The following CTDSPL variants were observed in gnomAD, a reference collection of about 807,000 sequenced individuals.
CTDSPL encodes CTD small phosphatase-like protein.
CTDSPL carries 8 observed loss-of-function variants against 30.5 expected under a neutral mutation model. The observed-to-expected ratio is 0.26, with a 90% confidence interval of 0.15 to 0.47. The LOEUF is 0.47. Among genes scored for constraint, CTDSPL ranks in the 20% least tolerant of loss-of-function variants. The pLI, the probability that CTDSPL is intolerant of heterozygous loss-of-function variation, is 0.99. For missense variants in CTDSPL, 248 were observed against 366.1 expected, an observed-to-expected ratio of 0.68 and a Z score of 2.63; for synonymous variants, 110 against 137.9, an observed-to-expected ratio of 0.80 and a Z score of 1.42.
chr3:37,917,125 C>G (rs1190422690), intron 1 of CTDSPL, among the ~76,000 whole-genome samples: 1 of 152,210 alleles, frequency 6.6e-6, no homozygotes, highest in Non-Finnish European at 1.5e-5. Context: ...ACATATTCGT[C>G]TGTTCATTCA....
intron 1 of CTDSPL, among the ~76,000 whole-genome samples, chr3:37,870,020 A>C (rs895529398): frequency 6.6e-6 from 1 of 151,902 alleles, no homozygotes; most frequent in Non-Finnish European, 1.5e-5. Flanking sequence ...ATATTTTGTT[A>C]AGGATTTTTT....
chr3:37,951,169 C>T (rs1699103016), intron 2 of CTDSPL, among the ~76,000 whole-genome samples: 1 of 150,684 alleles, frequency 6.6e-6, no homozygotes, highest in Admixed American at 6.6e-5. Flanking sequence ...AGATCGAGAC[C>T]ATCCTGGCTA....
Position 37,975,801 on chromosome 3 carries a change from C to T in CTDSPL, c.612C>T (p.Tyr204=), listed in dbSNP as rs755410839. The change falls in exon 7 of 8, where the codon TAC becomes TAT. Residue 204 remains tyrosine, a synonymous_variant. Transcript: ENST00000273179. The surrounding 1 kb of genome is among the most constrained non-coding windows in gnomAD (Gnocchi z 4.9). ...RESCVFHRGN[Y]VKDLSRLGRE... Reference sequence around the variant, plus strand: ...CATGTGTTTTTCATCGTGGGAACTACGTGAAGGACCTGAGTCGCCTTGGGC... The same window carrying T: ...CATGTGTTTTTCATCGTGGGAACTATGTGAAGGACCTGAGTCGCCTTGGGC... 6.8e-6 allele frequency: 11 copies of T among 1,613,994 alleles called. No individual in the cohort carries two copies. The highest frequency in any genetic ancestry group is 1.1e-5 in the South Asian group (1 of 91,072).
intron 1 of CTDSPL, among the ~76,000 whole-genome samples, chr3:37,869,456 C>G (rs1417016163): frequency 2.0e-5 from 3 of 152,044 alleles, no homozygotes; most frequent in Non-Finnish European, 4.4e-5. Flanking sequence ...TTTTTGAATA[C>G]TTATCTTGTA....
At chr3:37,956,189 A>G (rs1181493900) in intron 2 of CTDSPL, among the ~76,000 whole-genome samples, 1 of 152,212 alleles carries the variant, frequency 6.6e-6, no homozygotes, top group Non-Finnish European at 1.5e-5. Context: ...AATAGTTCTT[A>G]GTGTCAAAAC....
At chr3:37,904,992 G>A (rs1698497420) in intron 1 of CTDSPL, among the ~76,000 whole-genome samples, 1 of 152,172 alleles carries the variant, frequency 6.6e-6, no homozygotes, top group African/African-American at 2.4e-5. Flanking sequence ...CAGAAGGTGG[G>A]AGAACCTTCC....
intron 1 of CTDSPL, among the ~76,000 whole-genome samples, chr3:37,871,901 T>C (rs375936841): frequency 1.3e-5 from 2 of 152,228 alleles, no homozygotes; most frequent in South Asian, 2.1e-4. Context: ...TAGTCTGTTA[T>C]TGAGCACATC....
intron 1 of CTDSPL, among the ~76,000 whole-genome samples, chr3:37,886,409 C>T (rs1004515765): frequency 6.6e-6 from 1 of 152,182 alleles, no homozygotes; most frequent in Non-Finnish European, 1.5e-5. Flanking sequence ...CCAGTCCCAT[C>T]CAGATTATGC....
intron 1 of CTDSPL, among the ~76,000 whole-genome samples, chr3:37,927,519 G>A (rs1177118217): frequency 6.6e-6 from 1 of 151,914 alleles, no homozygotes; most frequent in Non-Finnish European, 1.5e-5. Context: ...GATGAAGATT[G>A]CATAAGGTTG....
At chr3:37,980,250 A>G (rs1699474640) in intron 7 of CTDSPL, among the ~76,000 whole-genome samples, 1 of 152,172 alleles carries the variant, frequency 6.6e-6, no homozygotes, top group South Asian at 2.1e-4. Context: ...ACTGTTAAGC[A>G]AGGGAGGAAA....
At chr3:37,874,549 G>A (rs1698111875) in intron 1 of CTDSPL, among the ~76,000 whole-genome samples, 1 of 152,160 alleles carries the variant, frequency 6.6e-6, no homozygotes, top group African/African-American at 2.4e-5. Context: ...GGCCAACATG[G>A]TGAAACCCCG....
intron 1 of CTDSPL, among the ~76,000 whole-genome samples, chr3:37,937,943 C>T (rs192335919): frequency 1.0e-4 from 15 of 150,492 alleles, no homozygotes; most frequent in African/African-American, 3.1e-4. Context: ...TTCAGGGATC[C>T]GGCCCCTGTG....
At chr3:37,949,041 C>T (rs1343307322) in intron 2 of CTDSPL, among the ~76,000 whole-genome samples, 1 of 151,214 alleles carries the variant, frequency 6.6e-6, no homozygotes. Context: ...AGGATGGTCT[C>T]GATCTCCTGA....
chr3:37,894,938 A>G (rs1006729157), intron 1 of CTDSPL, among the ~76,000 whole-genome samples: 13 of 152,284 alleles, frequency 8.5e-5, no homozygotes, highest in African/African-American at 2.4e-4. Context: ...AAGGTTTCCT[A>G]TATATTTCAT....
intron 1 of CTDSPL, among the ~76,000 whole-genome samples, chr3:37,872,731 T>G (rs996485622): frequency 2.0e-5 from 3 of 151,890 alleles, no homozygotes; most frequent in Non-Finnish European, 4.4e-5. Flanking sequence ...CCTGCCAGCA[T>G]GCCCAGCTAA....
chr3:37,956,996 G>A, intron 2 of CTDSPL, 115 bp from the exon 3 acceptor site: 2 of 866,654 alleles, frequency 2.3e-6, no homozygotes, highest in Admixed American at 4.4e-5. Flanking sequence ...CACCACCAAG[G>A]TACAGAGAAT....
intron 1 of CTDSPL, among the ~76,000 whole-genome samples, chr3:37,883,841 C>T (rs778378039): frequency 6.6e-5 from 10 of 152,068 alleles, no homozygotes; most frequent in African/African-American, 1.9e-4. Flanking sequence ...GATATTTGCC[C>T]GTTTCATCTC....
intron 5 of CTDSPL, chr3:37,968,541 A>T (rs1465890604): frequency 4.4e-6 from 1 of 225,146 alleles, no homozygotes; most frequent in Non-Finnish European, 9.0e-6. Context: ...CTAGCTTTAG[A>T]GGTTGAAGCT....
At chr3:37,977,243 T>C (rs1156308533) in intron 7 of CTDSPL, among the ~76,000 whole-genome samples, 1 of 152,212 alleles carries the variant, frequency 6.6e-6, no homozygotes, top group African/African-American at 2.4e-5. Flanking sequence ...GTTTCTTACA[T>C]TGTCTAATAT....
Sources: allele counts gnomAD v4.1 joint callset (sites outside exome capture counted in the v4.1 genomes callset), GRCh38; gene constraint gnomAD v4.1.1; non-coding constraint Gnocchi (gnomAD v3.1); transcripts MANE v1.5; gene names NCBI Gene and HGNC (gene_info 2026-07-23, HGNC 2026-07-21).